Variants in FAXC observed in about 807,000 individuals in gnomAD.
FAXC encodes failed axon connections homolog, metaxin like GST domain containing, also known as failed axon connections homolog.
FAXC carries 10 observed loss-of-function variants against 41.9 expected under a neutral mutation model. The ratio of observed to expected loss-of-function variants is 0.24; its 90% CI spans 0.15 to 0.41. The LOEUF (loss-of-function observed/expected upper bound fraction) is 0.41, where lower values mean the gene tolerates loss of function less well. Ranked by LOEUF, FAXC falls within the 10% of genes least tolerant of loss-of-function variation. FAXC has a pLI of 1.00. For synonymous variants in FAXC, 183 were observed against 183.8 expected, an observed-to-expected ratio of 1.00 and a Z score of 0.03; for missense variants, 399 against 510.9, an observed-to-expected ratio of 0.78 and a Z score of 2.11.
chr6:99,314,205 G>C (rs1033142327), intron 4 of FAXC, among the ~76,000 whole-genome samples: 2 of 151,826 alleles, frequency 1.3e-5, no homozygotes, highest in African/African-American at 4.8e-5. Context: ...GATTATGCCT[G>C]ACCCCGCCCC....
chr6:99,273,976 T>C lies in FAXC; in HGVS notation c.*7188A>G, dbSNP rs1390609780. ...ATAAACATAAACGTTTGGAGACCAC[T>C]GCCTAAATAGGGATGGACGATCTGG... On this transcript the variant is annotated 3_prime_UTR_variant, in exon 6 of 6. Transcript: ENST00000389677. 1 of 152,162 alleles carries C rather than the reference T, an allele frequency of 6.6e-6. No individual in the cohort carries two copies. The highest frequency in any genetic ancestry group is 2.4e-5 in the African/African-American group (1 of 41,434). 9.4% of individuals were successfully genotyped at this position (152,162 alleles called of 1,614,324 possible).
At chr6:99,336,384 A>G (rs997398103) in intron 2 of FAXC, among the ~76,000 whole-genome samples, 2 of 152,168 alleles carry the variant, frequency 1.3e-5, no homozygotes, top group African/African-American at 4.8e-5. Flanking sequence ...TACAGGCATG[A>G]GCCACCACAC....
At chr6:99,296,678 T>G (rs170268) in intron 4 of FAXC, among the ~76,000 whole-genome samples, 133,052 of 152,116 alleles carry the variant, frequency 0.87, 58,667 homozygotes, top group East Asian at 1. Context: ...GACTTCAGGT[T>G]CCCGCAGTGA....
At chr6:99,326,811 G>C (rs9399134) in intron 3 of FAXC, among the ~76,000 whole-genome samples, 7,438 of 152,276 alleles carry the variant, frequency 0.049, 544 homozygotes, top group East Asian at 0.39. Context: ...GAGAAATTTA[G>C]AGTTCCTGCC....
At chr6:99,330,042 T>C (rs1772975939) in intron 3 of FAXC, among the ~76,000 whole-genome samples, 1 of 151,696 alleles carries the variant, frequency 6.6e-6, no homozygotes, top group Non-Finnish European at 1.5e-5. Flanking sequence ...GACTGTTTTG[T>C]AGAGAGAGGG....
At chr6:99,340,593 G>C (rs796960714) in intron 2 of FAXC, among the ~76,000 whole-genome samples, 1 of 150,914 alleles carries the variant, frequency 6.6e-6, no homozygotes, top group African/African-American at 2.4e-5. Context: ...GGGAAATAAG[G>C]CTAGTCAAAT....
At chr6:99,349,858 G>T (rs1773745666), upstream of FAXC, among the ~76,000 whole-genome samples, 1 of 152,062 alleles carries the variant, frequency 6.6e-6, no homozygotes, top group Non-Finnish European at 1.5e-5. Context: ...CGCTCGCCGC[G>T]CGCGGGCAAG....
chr6:99,295,760 G>A (rs1005895545), intron 4 of FAXC, among the ~76,000 whole-genome samples: 15 of 152,184 alleles, frequency 9.9e-5, no homozygotes, highest in African/African-American at 2.9e-4. Flanking sequence ...GATATTAACC[G>A]TAACCATGTG....
In FAXC at chr6:99,349,529, AGAG is replaced by A. The variant is rs59271412; in HGVS notation, c.-160_-158del. On this transcript the variant is annotated 5_prime_UTR_variant, in exon 1 of 6. Coordinates refer to ENST00000389677, the MANE Select transcript of FAXC (RefSeq NM_032511.4). ...CGGCGGCGACTGAGGAGGCGGCGGCAGAGGAGGAGGAGGAGGAAGGGCACTGGC... is the reference window on the plus strand; with the variant it reads ...CGGCGGCGACTGAGGAGGCGGCGGCAGAGGAGGAGGAGGAAGGGCACTGGC... The A allele has an allele frequency of 2.5e-3, 755 of 300,456 alleles. 1 individual carries two copies. Among genetic ancestry groups the A allele is most frequent in the Non-Finnish European group, 3.4e-3 (695 of 205,222 alleles). 18.6% of individuals were successfully genotyped at this position (300,456 alleles called of 1,614,324 possible).
At chr6:99,304,795 G>A (rs1388433796) in intron 4 of FAXC, among the ~76,000 whole-genome samples, 1 of 152,136 alleles carries the variant, frequency 6.6e-6, no homozygotes, top group Non-Finnish European at 1.5e-5. Context: ...AGAAAGTAGG[G>A]GAGGGGAGGA....
intron 5 of FAXC, among the ~76,000 whole-genome samples, chr6:99,288,064 G>C (rs1428320624): frequency 2.6e-5 from 4 of 152,170 alleles, no homozygotes; most frequent in Non-Finnish European, 5.9e-5. Context: ...TCCTCCAAAA[G>C]GCTGATCATT....
chr6:99,338,131 A>AT (rs34023587), intron 2 of FAXC, among the ~76,000 whole-genome samples: 42 of 150,998 alleles, frequency 2.8e-4, no homozygotes, highest in Non-Finnish European at 4.0e-4. Flanking sequence ...CCACAGCACC[A>AT]TTTTTTTTTA....
intron 2 of FAXC, among the ~76,000 whole-genome samples, chr6:99,336,250 C>CT (rs1417803646): frequency 6.6e-6 from 1 of 151,514 alleles, no homozygotes; most frequent in Non-Finnish European, 1.5e-5. Flanking sequence ...GATTTTTTTT[C>CT]TTTTTTTCTC....
Position 99,349,312 on chromosome 6 carries a change from G to T in FAXC, c.61C>A (p.Gln21Lys). 6.2e-7 allele frequency: 1 copy of T among 1,613,184 alleles called. No individual in the cohort carries two copies. Among genetic ancestry groups the T allele is most frequent in the Non-Finnish European group, 8.5e-7 (1 of 1,179,962 alleles). ...CACCAGCCGAAGAAGGAGATGCTCT[G>T]GTTCCAGCTCAGATCCACCACGCAC... ...RPCVVDLSWNQSISFFGWWAG... is the reference protein window; with the variant it reads ...RPCVVDLSWNKSISFFGWWAG... Residue 21 changes from glutamine (Q) to lysine (K), a missense_variant, in exon 1 of 6, where the codon CAG (glutamine) becomes AAG (lysine). This residue lies in a region of FAXC where 68 missense variants were observed against 63.4 expected (regional missense o/e 1.07). Coordinates refer to ENST00000389677, the MANE Select transcript of FAXC (RefSeq NM_032511.4).
Position 99,343,140 on chromosome 6 carries a change from C to T in FAXC, c.267-107G>A, listed in dbSNP as rs933084557. ...GGGTTGTAGCTCCTCAATGAACAAGCAGATCTGTTTGTCACAGGGGCTTAC... is the reference window on the plus strand; with the variant it reads ...GGGTTGTAGCTCCTCAATGAACAAGTAGATCTGTTTGTCACAGGGGCTTAC... On this transcript the variant is annotated intron_variant, in intron 1 of 5. Transcript: ENST00000389677. The T allele has an allele frequency of 3.6e-5, 36 of 1,005,888 alleles. No individual in the cohort carries two copies. The African/African-American group carries it at 5.2e-4, about 15-fold the overall frequency. The allele number at this position is 1,005,888 out of a possible 1,614,324, so 62.3% of individuals were successfully genotyped here.
chr6:99,328,619 A>G (rs1366505117), intron 3 of FAXC, among the ~76,000 whole-genome samples: 2 of 152,150 alleles, frequency 1.3e-5, no homozygotes, highest in Non-Finnish European at 2.9e-5. Flanking sequence ...CCCTCTGCCT[A>G]GACATCCTAA....
At chr6:99,289,926 C>T (rs185806713) in intron 5 of FAXC, among the ~76,000 whole-genome samples, 34 of 151,994 alleles carry the variant, frequency 2.2e-4, no homozygotes, top group African/African-American at 7.5e-4. Flanking sequence ...AGTGCCACCA[C>T]TCGGCACCAG....
At chr6:99,313,043 A>C (rs1772206350) in intron 4 of FAXC, among the ~76,000 whole-genome samples, 1 of 152,250 alleles carries the variant, frequency 6.6e-6, no homozygotes, top group African/African-American at 2.4e-5. Context: ...CTACAATCCC[A>C]GCACGTTGTG....
chr6:99,323,400 A>G (rs1392121263), intron 4 of FAXC, 44 bp downstream of exon 4: 1 of 1,524,130 alleles, frequency 6.6e-7, no homozygotes, highest in South Asian at 1.1e-5. Context: ...ATCATGCAAA[A>G]GGAAAGAATA....
Sources: allele counts gnomAD v4.1 joint callset (sites outside exome capture counted in the v4.1 genomes callset), GRCh38; gene constraint gnomAD v4.1.1; regional missense constraint gnomAD v4.1.1; transcripts MANE v1.5; gene names NCBI Gene and HGNC (gene_info 2026-07-23, HGNC 2026-07-21).